Variants in IL1RAPL2 observed in about 807,000 individuals in gnomAD.
The protein encoded by IL1RAPL2 is interleukin 1 receptor accessory protein like 2, also known as X-linked interleukin-1 receptor accessory protein-like 2.
A neutral mutation model predicts 44.1 loss-of-function variants in IL1RAPL2; 3 were observed. That is an observed-to-expected ratio of 0.07 (90% CI 0.03 to 0.18). The LOEUF is 0.18. IL1RAPL2 is among the 10% of genes least tolerant of loss of function. The pLI is 1.00. For missense variants in IL1RAPL2, 391 were observed against 496.4 expected, an observed-to-expected ratio of 0.79 and a Z score of 2.02; for synonymous variants, 181 against 178.8, an observed-to-expected ratio of 1.01 and a Z score of -0.10.
chrX:104,647,584 T>G, intron 1 of IL1RAPL2: 1 of 516,990 alleles, frequency 1.9e-6, no homozygotes, highest in Non-Finnish European at 3.5e-6. Context: ...TCTGGGTGAT[T>G]AGTTCTCCAG....
intron 1 of IL1RAPL2, among the ~76,000 whole-genome samples, chrX:104,567,675 G>T (rs1003725832): frequency 1.8e-5 from 2 of 112,144 alleles, no homozygotes; most frequent in African/African-American, 3.2e-5. Context: ...GGGTTTCCCA[G>T]GTCCCCACTG....
chrX:105,431,320 C>T (rs1247106393), intron 5 of IL1RAPL2, among the ~76,000 whole-genome samples: 1 of 111,983 alleles, frequency 8.9e-6, no homozygotes, highest in Non-Finnish European at 1.9e-5. Context: ...GGCATGTGAT[C>T]TGAGAGGCCA....
chrX:104,887,794 C>A (rs1923292966), intron 2 of IL1RAPL2, among the ~76,000 whole-genome samples: 1 of 111,287 alleles, frequency 9.0e-6, no homozygotes, highest in African/African-American at 3.3e-5. Flanking sequence ...AACCTATATA[C>A]CGATGGAAGT....
chrX:105,405,965 T>A, intron 5 of IL1RAPL2: 6 of 1,195,880 alleles, frequency 5.0e-6, no homozygotes, highest in Non-Finnish European at 6.8e-6. Context: ...CATTTATTGA[T>A]CCTCAGACAG....
chrX:105,026,416 G>T (rs1358173797), intron 2 of IL1RAPL2, among the ~76,000 whole-genome samples: 1 of 110,071 alleles, frequency 9.1e-6, no homozygotes, highest in Non-Finnish European at 1.9e-5. Context: ...AAATTATACT[G>T]CTTTGCAGAT....
intron 3 of IL1RAPL2, among the ~76,000 whole-genome samples, chrX:105,231,998 A>G (rs2034075579): frequency 2.7e-5 from 3 of 112,310 alleles, no homozygotes; most frequent in Non-Finnish European, 3.8e-5. Context: ...TGTTTCTTTC[A>G]CTTAATCCCC....
At chrX:105,271,546 G>A (rs1000678694) in intron 5 of IL1RAPL2, among the ~76,000 whole-genome samples, 1 of 111,653 alleles carries the variant, frequency 9.0e-6, no homozygotes, top group East Asian at 2.8e-4. Flanking sequence ...GGAAAAAGAA[G>A]AGGAGTAGGA....
At chrX:104,861,162 G>A (rs191500515) in intron 2 of IL1RAPL2, among the ~76,000 whole-genome samples, 17 of 111,935 alleles carry the variant, frequency 1.5e-4, no homozygotes, top group African/African-American at 5.5e-4. Flanking sequence ...ATTCTGACTG[G>A]AAAAGGTTCC....
intron 2 of IL1RAPL2, among the ~76,000 whole-genome samples, chrX:105,122,047 C>T (rs1021020238): frequency 1.9e-4 from 21 of 110,682 alleles, no homozygotes; most frequent in African/African-American, 6.6e-4. Context: ...GGAAACCCCA[C>T]GGAATAGTGC....
At chrX:105,037,532 T>C (rs181464938) in intron 2 of IL1RAPL2, among the ~76,000 whole-genome samples, 26 of 110,796 alleles carry the variant, frequency 2.3e-4, no homozygotes, top group African/African-American at 7.9e-4. Context: ...AGGCCAGGCT[T>C]CAAATTATTA....
intron 2 of IL1RAPL2, among the ~76,000 whole-genome samples, chrX:104,943,840 A>T (rs1231730865): frequency 8.9e-6 from 1 of 112,274 alleles, no homozygotes; most frequent in Non-Finnish European, 1.9e-5. Flanking sequence ...GAGGGCAGAG[A>T]TTTCTGACTA....
intron 5 of IL1RAPL2, among the ~76,000 whole-genome samples, chrX:105,291,079 T>A (rs939729985): frequency 9.0e-6 from 1 of 111,563 alleles, no homozygotes; most frequent in Non-Finnish European, 1.9e-5. Context: ...CAAAATGTAA[T>A]AAATTATTAC....
At chrX:105,224,548 T>A (rs2033997009) in intron 3 of IL1RAPL2, among the ~76,000 whole-genome samples, 1 of 111,643 alleles carries the variant, frequency 9.0e-6, no homozygotes, top group South Asian at 3.8e-4. Context: ...TATGACAGCT[T>A]ATTTGGTGAG....
intron 2 of IL1RAPL2, among the ~76,000 whole-genome samples, chrX:104,853,819 C>T (rs370519702): frequency 0.01 from 1,048 of 102,236 alleles, 6 homozygotes; most frequent in South Asian, 0.029. Flanking sequence ...AGGAGAATGG[C>T]GTGAACCCGG....
At chrX:105,476,177 A>C (rs1276095287) in intron 5 of IL1RAPL2, among the ~76,000 whole-genome samples, 1 of 113,037 alleles carries the variant, frequency 8.8e-6, no homozygotes, top group African/African-American at 3.2e-5. Flanking sequence ...GTTCTATGCT[A>C]ATAAAAGGCA....
chrX:105,012,633 TCTCTCTC>T (rs2031074174), intron 2 of IL1RAPL2, among the ~76,000 whole-genome samples: 2 of 73,819 alleles, frequency 2.7e-5, no homozygotes, highest in Non-Finnish European at 4.9e-5. Flanking sequence ...TCTCTCTCTC[TCTCTCTC>T]TCTCTCACAC....
intron 2 of IL1RAPL2, among the ~76,000 whole-genome samples, chrX:104,668,889 C>G (rs771540013): frequency 9.0e-6 from 1 of 110,533 alleles, no homozygotes; most frequent in Admixed American, 9.7e-5. Flanking sequence ...AGCACCACCC[C>G]CACAACCACG....
At chrX:104,686,233 A>G (rs1187181271) in intron 2 of IL1RAPL2, among the ~76,000 whole-genome samples, 2 of 111,576 alleles carry the variant, frequency 1.8e-5, no homozygotes, top group Non-Finnish European at 3.8e-5. Context: ...CCACTTTTCC[A>G]TAACTAGCAG....
At chrX:105,228,293 C>A (rs1455326659) in intron 3 of IL1RAPL2, among the ~76,000 whole-genome samples, 1 of 111,950 alleles carries the variant, frequency 8.9e-6, no homozygotes, top group Non-Finnish European at 1.9e-5. Context: ...TATCCTGAGG[C>A]ATTTTATCTA....
Sources: allele counts gnomAD v4.1 joint callset (sites outside exome capture counted in the v4.1 genomes callset), GRCh38; gene constraint gnomAD v4.1.1; transcripts MANE v1.5; gene names NCBI Gene and HGNC (gene_info 2026-07-23, HGNC 2026-07-21).